The following ZFHX3 variants were observed in gnomAD, a reference collection of about 807,000 sequenced individuals.
ZFHX3 encodes the protein zinc finger homeobox 3.
ZFHX3 carries 42 observed loss-of-function variants against 279.1 expected under a neutral mutation model. The ratio of observed to expected loss-of-function variants is 0.15; its 90% CI spans 0.12 to 0.19. The LOEUF is 0.19. ZFHX3 is among the 10% of genes least tolerant of loss of function. The pLI, the probability that ZFHX3 is intolerant of heterozygous loss-of-function variation, is 1.00. For missense variants in ZFHX3, 4,981 were observed against 4,754.0 expected (o/e 1.05, Z -1.40); for synonymous variants, 2,293 against 1,957.8 (o/e 1.17, Z -4.52).
At chr16:73,486,859 G>A (rs1235152678) in intron 2 of ZFHX3, 1 of 455,860 alleles carries the variant, frequency 2.2e-6, no homozygotes, top group African/African-American at 2.0e-5. Context: ...CCCAGAACCT[G>A]GAGCAAGACC....
chr16:73,458,782 G>A (rs538378881), intron 2 of ZFHX3, among the ~76,000 whole-genome samples: 7 of 152,146 alleles, frequency 4.6e-5, no homozygotes, highest in African/African-American at 1.4e-4. Flanking sequence ...AATGATTTCC[G>A]ATTGTCTGCT....
At chr16:73,329,004 C>T (rs904229543) in intron 3 of ZFHX3, among the ~76,000 whole-genome samples, 1 of 152,242 alleles carries the variant, frequency 6.6e-6, no homozygotes, top group Non-Finnish European at 1.5e-5. Flanking sequence ...TCATTCTTTT[C>T]CTCTAGGACT....
chr16:73,248,999 A>T (rs939730211), intron 5 of ZFHX3, among the ~76,000 whole-genome samples: 5 of 152,146 alleles, frequency 3.3e-5, no homozygotes, highest in African/African-American at 1.2e-4. Context: ...ATTCACTTCA[A>T]ACTTTTGTGC....
intron 1 of ZFHX3, among the ~76,000 whole-genome samples, chr16:73,821,871 A>G (rs1307719200): frequency 6.6e-6 from 1 of 152,088 alleles, no homozygotes; most frequent in African/African-American, 2.4e-5. Flanking sequence ...TAAAGGCACC[A>G]CTCACATGCT....
At chr16:72,882,865 C>T (rs998409828) in intron 4 of ZFHX3, among the ~76,000 whole-genome samples, 3 of 152,034 alleles carry the variant, frequency 2.0e-5, no homozygotes, top group Non-Finnish European at 2.9e-5. Context: ...GAAGCAATAG[C>T]GTCTCCAAGA....
chr16:73,263,708 T>C (rs2013888829), intron 4 of ZFHX3, among the ~76,000 whole-genome samples: 1 of 152,234 alleles, frequency 6.6e-6, no homozygotes, highest in African/African-American at 2.4e-5. Flanking sequence ...AGCTGCTAGT[T>C]GCAGGAGTCC....
rs576629266 is a variant in ZFHX3 at position 73,766,280 on chromosome 16, A to C, written c.-1607-86040T>G. Among the ~76,000 whole-genome samples the C allele has an allele frequency of 2.0e-5, 3 of 152,102 alleles. No homozygotes were observed. The East Asian group carries it at 5.8e-4, about 29-fold the overall frequency. On this transcript the variant is annotated intron_variant, in intron 1 of 17. Transcript: ENST00000641206. ...CCTACCTGTCCTCAAAGGCCTGTTGACTCCTTGTATCACAATTTTAAGATA... is the reference window on the plus strand; with the variant it reads ...CCTACCTGTCCTCAAAGGCCTGTTGCCTCCTTGTATCACAATTTTAAGATA...
At chr16:72,941,426 C>G (rs1405588407) in intron 3 of ZFHX3, among the ~76,000 whole-genome samples, 1 of 152,144 alleles carries the variant, frequency 6.6e-6, no homozygotes, top group Non-Finnish European at 1.5e-5. Flanking sequence ...GCTGGCAGGT[C>G]ATTATGAACA....
chr16:72,864,119 A>G (rs928987868), intron 4 of ZFHX3, among the ~76,000 whole-genome samples: 1 of 149,850 alleles, frequency 6.7e-6, no homozygotes, highest in Non-Finnish European at 1.5e-5. Context: ...CTCCATCTCG[A>G]AAAAAAAAAA....
chr16:72,912,585 C>T (rs545266336), intron 3 of ZFHX3, among the ~76,000 whole-genome samples: 11 of 152,186 alleles, frequency 7.2e-5, no homozygotes, highest in Admixed American at 2.0e-4. Context: ...AAACTGTTTA[C>T]GTGCACTTAG....
intron 4 of ZFHX3, among the ~76,000 whole-genome samples, chr16:72,861,419 C>A (rs1383305312): frequency 2.6e-5 from 4 of 152,130 alleles, no homozygotes; most frequent in Non-Finnish European, 4.4e-5. Flanking sequence ...GACAAGCCCT[C>A]CCTGGGAGGC....
At chr16:73,756,354 C>T (rs1315369019) in intron 1 of ZFHX3, among the ~76,000 whole-genome samples, 1 of 152,134 alleles carries the variant, frequency 6.6e-6, no homozygotes, top group Non-Finnish European at 1.5e-5. Flanking sequence ...ATTGCAGCTA[C>T]TCTCAATGGA....
At chr16:73,331,084 A>AG (rs1300421382) in intron 3 of ZFHX3, among the ~76,000 whole-genome samples, 1 of 152,120 alleles carries the variant, frequency 6.6e-6, no homozygotes. Context: ...CCACATGGCT[A>AG]GGGAGGCCTC....
intron 2 of ZFHX3, among the ~76,000 whole-genome samples, chr16:73,625,906 G>A (rs573613215): frequency 9.2e-5 from 14 of 152,276 alleles, no homozygotes; most frequent in Admixed American, 1.3e-4. Context: ...TGCCCAGGCT[G>A]GAGTTCAGCG....
chr16:73,739,058 C>T (rs536692021), intron 1 of ZFHX3, among the ~76,000 whole-genome samples: 6 of 152,302 alleles, frequency 3.9e-5, no homozygotes, highest in East Asian at 1.9e-4. Flanking sequence ...GGACAAGGAG[C>T]GGTCGAGGCT....
chr16:72,935,963 G>C (rs370447567), intron 3 of ZFHX3, among the ~76,000 whole-genome samples: 3 of 152,312 alleles, frequency 2.0e-5, no homozygotes, highest in African/African-American at 4.8e-5. Context: ...TGGGGAGAAA[G>C]AGCAGTGATT....
intron 9 of ZFHX3, chr16:72,791,211 T>G (rs1350775250): frequency 6.6e-6 from 1 of 152,204 alleles, no homozygotes; most frequent in East Asian, 1.9e-4. Flanking sequence ...TTATGAGGAT[T>G]AAATGAAAGA....
intron 3 of ZFHX3, among the ~76,000 whole-genome samples, chr16:72,914,695 G>C (rs998394020): frequency 3.9e-5 from 6 of 151,922 alleles, no homozygotes; most frequent in African/African-American, 1.4e-4. Flanking sequence ...TTACCCAAAA[G>C]AATAACATAG....
chr16:73,878,781 T>A (rs551552882), intron 1 of ZFHX3, among the ~76,000 whole-genome samples: 1 of 151,842 alleles, frequency 6.6e-6, no homozygotes, highest in Non-Finnish European at 1.5e-5. Flanking sequence ...TAAGTCTTAT[T>A]GGTTCAAGGA....
Sources: gnomAD v4.1 joint callset for allele counts (sites outside exome capture counted in the v4.1 genomes callset) on GRCh38, gnomAD v4.1.1 for gene constraint, MANE v1.5 for transcripts, NCBI Gene and HGNC (gene_info 2026-07-23, HGNC 2026-07-21) for gene names.